The following CCDC91 variants were observed in gnomAD, a reference collection of about 807,000 sequenced individuals.
The protein encoded by CCDC91 is coiled-coil domain-containing protein 91.
In CCDC91, 48 loss-of-function variants were observed where a neutral mutation model predicts 63.2. The ratio of observed to expected loss-of-function variants is 0.76; its 90% confidence interval spans 0.60 to 0.97. The LOEUF (loss-of-function observed/expected upper bound fraction) is 0.97, where lower values mean the gene tolerates loss of function less well. Among genes scored for constraint, CCDC91 ranks in the 50% least tolerant of loss-of-function variants. The pLI is 0.00. For missense variants in CCDC91, 500 were observed against 494.6 expected, an observed-to-expected ratio of 1.01 and a Z score of -0.10; for synonymous variants, 167 against 165.8, an observed-to-expected ratio of 1.01 and a Z score of -0.06.
intron 12 of CCDC91, among the ~76,000 whole-genome samples, chr12:28,501,172 T>C (rs1242485535): frequency 6.6e-6 from 1 of 151,964 alleles, no homozygotes; most frequent in Admixed American, 6.6e-5. Flanking sequence ...TTTGATTTCC[T>C]CTTTTCCTAA....
intron 12 of CCDC91, among the ~76,000 whole-genome samples, chr12:28,536,806 T>G (rs1310567910): frequency 6.6e-6 from 1 of 152,170 alleles, no homozygotes; most frequent in Non-Finnish European, 1.5e-5. Flanking sequence ...CATTCTTTTT[T>G]AAAGTATTTA....
chr12:28,535,205 C>G (rs1364926448), intron 12 of CCDC91, among the ~76,000 whole-genome samples: 8 of 152,050 alleles, frequency 5.3e-5, no homozygotes, highest in Non-Finnish European at 1.5e-5. Flanking sequence ...TTTTAAACTC[C>G]TTAGTATCTT....
At chr12:28,281,872 A>G (rs1334752250) in intron 3 of CCDC91, among the ~76,000 whole-genome samples, 2 of 152,154 alleles carry the variant, frequency 1.3e-5, no homozygotes, top group East Asian at 1.9e-4. Flanking sequence ...GACTTATCCC[A>G]TAGTACCTTG....
chr12:28,548,740 T>A (rs1943149435), intron 12 of CCDC91, among the ~76,000 whole-genome samples: 1 of 152,176 alleles, frequency 6.6e-6, no homozygotes, highest in Non-Finnish European at 1.5e-5. Flanking sequence ...TATTTGTGGA[T>A]GTTTGGTTGC....
At chr12:28,325,255 ATTTCT>A in intron 6 of CCDC91, among the ~76,000 whole-genome samples, 1 of 152,190 alleles carries the variant, frequency 6.6e-6, no homozygotes, top group East Asian at 1.9e-4. Flanking sequence ...ACCGTAAGTG[ATTTCT>A]TTATGTAAGA....
At chr12:28,295,829 A>G (rs143428369) in intron 3 of CCDC91, among the ~76,000 whole-genome samples, 7 of 152,238 alleles carry the variant, frequency 4.6e-5, no homozygotes, top group Middle Eastern at 3.4e-3. Flanking sequence ...TTCGAAATGT[A>G]TCACTTTAGC....
rs149862738 is a variant in CCDC91, at chr12:28,209,178, T to C, written c.-15+18537T>C. ...AAATTTCACCCTTGCATTAGTCTAC[T>C]ATTAATGTCAATCCCAATTTTTAAT... On this transcript the variant is annotated intron_variant, in intron 1 of 12. Coordinates refer to ENST00000536442, the MANE Select transcript of CCDC91 (RefSeq NM_018318.5). Among the ~76,000 whole-genome samples, 47 of 152,326 alleles carry C rather than the reference T, an allele frequency of 3.1e-4. No individual in the cohort carries two copies. In the East Asian group the frequency reaches 8.9e-3, roughly 29 times the overall value.
chr12:28,277,313 G>A (rs1948303228), intron 3 of CCDC91, among the ~76,000 whole-genome samples: 1 of 151,868 alleles, frequency 6.6e-6, no homozygotes, highest in Non-Finnish European at 1.5e-5. Flanking sequence ...TACAGTTTGG[G>A]TTTTTTCTTT....
At chr12:28,331,037 T>G (rs1328848839) in intron 6 of CCDC91, among the ~76,000 whole-genome samples, 2 of 152,194 alleles carry the variant, frequency 1.3e-5, no homozygotes, top group Non-Finnish European at 1.5e-5. Flanking sequence ...GCTTCCAGAT[T>G]AGAATTTATT....
chr12:28,411,954 C>T (rs1022936428), intron 8 of CCDC91, among the ~76,000 whole-genome samples: 6 of 152,120 alleles, frequency 3.9e-5, no homozygotes, highest in Non-Finnish European at 5.9e-5. Context: ...CTAGGCCCTA[C>T]CCCCCAACAC....
At chr12:28,350,041 CTTT>C (rs1368472793) in intron 6 of CCDC91, among the ~76,000 whole-genome samples, 2 of 152,178 alleles carry the variant, frequency 1.3e-5, no homozygotes, top group Non-Finnish European at 2.9e-5. Context: ...CACACTGCTT[CTTT>C]AAGATTGTCT....
intron 8 of CCDC91, among the ~76,000 whole-genome samples, chr12:28,445,860 C>A (rs920367212): frequency 3.3e-5 from 5 of 152,152 alleles, no homozygotes; most frequent in Admixed American, 6.5e-5. Flanking sequence ...ATCCCAGTTA[C>A]CTCCTAAAGG....
chr12:28,280,688 A>G (rs1948546120), intron 3 of CCDC91, among the ~76,000 whole-genome samples: 1 of 152,028 alleles, frequency 6.6e-6, no homozygotes, highest in Non-Finnish European at 1.5e-5. Context: ...TTATTGAGAT[A>G]TACTGTGCAG....
chr12:28,204,874 T>C (rs1427090405), intron 1 of CCDC91, among the ~76,000 whole-genome samples: 7 of 152,214 alleles, frequency 4.6e-5, no homozygotes, highest in Non-Finnish European at 1.0e-4. Flanking sequence ...ATTAAAGGAA[T>C]ACTTATACGC....
intron 8 of CCDC91, among the ~76,000 whole-genome samples, chr12:28,400,011 C>T (rs1410482983): frequency 6.6e-6 from 1 of 152,188 alleles, no homozygotes; most frequent in African/African-American, 2.4e-5. Flanking sequence ...TTCTACTAGG[C>T]AGTACCTCAG....
At position 28,522,474 on chromosome 12, in the gene CCDC91, A is replaced by G. The variant is rs551692786; in HGVS notation, c.1216-26589A>G. Among the ~76,000 whole-genome samples the G allele has an allele frequency of 3.3e-5, 5 of 151,746 alleles. No individual in the cohort carries two copies. The East Asian group carries it at 7.8e-4, about 24-fold the overall frequency. On this transcript the variant is annotated intron_variant, in intron 12 of 12. Transcript: ENST00000536442. ...TTGATTCTTCTCTCTTTTCTTCTTT[A>G]TTAGTGTTGATAGCGGTCTATCAAT... is the stretch of plus-strand genomic sequence containing the variant.
At chr12:28,518,986 C>G (rs1472363280) in intron 12 of CCDC91, among the ~76,000 whole-genome samples, 1 of 151,710 alleles carries the variant, frequency 6.6e-6, no homozygotes, top group Non-Finnish European at 1.5e-5. Flanking sequence ...TATTTCTGGG[C>G]TCTCTATTTT....
At chr12:28,315,963 A>G (rs1282357149) in intron 6 of CCDC91, among the ~76,000 whole-genome samples, 1 of 151,964 alleles carries the variant, frequency 6.6e-6, no homozygotes, top group Non-Finnish European at 1.5e-5. Flanking sequence ...ATAGTGACTC[A>G]TATAGAAATT....
chr12:28,549,279 G>T lies in CCDC91; in HGVS notation c.*106G>T. On this transcript the variant is annotated 3_prime_UTR_variant, in exon 13 of 13. Coordinates refer to ENST00000536442, the MANE Select transcript of CCDC91 (RefSeq NM_018318.5). ...GTTTGTTTTCTTTCCAAATCATGTA[G>T]AATTGATTTCCAGTTCAAGGATAAA... is the stretch of plus-strand genomic sequence containing the variant. The T allele has an allele frequency of 1.5e-6, 1 of 658,954 alleles. No homozygotes were observed. Among genetic ancestry groups the T allele is most frequent in the Non-Finnish European group, 2.7e-6 (1 of 369,926 alleles). The allele number at this position is 658,954 out of a possible 1,614,324, so 40.8% of individuals were successfully genotyped here. A position where few individuals can be genotyped will look rare whatever the true frequency, so the allele number is the denominator to read the frequency against.
Sources: gnomAD v4.1 joint callset for allele counts (sites outside exome capture counted in the v4.1 genomes callset) on GRCh38, gnomAD v4.1.1 for gene constraint, MANE v1.5 for transcripts, NCBI Gene and HGNC (gene_info 2026-07-23, HGNC 2026-07-21) for gene names.